Variants in MYB observed in about 807,000 individuals in gnomAD.
The protein encoded by MYB is transcriptional activator Myb.
A neutral mutation model predicts 92.9 loss-of-function variants in MYB; 28 were observed. The ratio of observed to expected loss-of-function variants is 0.30; its 90% confidence interval spans 0.22 to 0.41. The LOEUF (loss-of-function observed/expected upper bound fraction) is 0.41. Among genes scored for constraint, MYB ranks in the 10% least tolerant of loss-of-function variants. MYB has a pLI of 1.00. For synonymous variants in MYB, 295 were observed against 329.1 expected, an observed-to-expected ratio of 0.90 and a Z score of 1.12; for missense variants, 679 against 929.3, an observed-to-expected ratio of 0.73 and a Z score of 3.50.
At chr6:135,208,071 T>TTTTTTTTTAATA (rs1779203859) in intron 15 of MYB, among the ~76,000 whole-genome samples, 1 of 132,508 alleles carries the variant, frequency 7.5e-6, no homozygotes, top group South Asian at 2.4e-4. Context: ...ATTTTTTAAT[T>TTTTTTTTTAATA]TTTTTTTTAA....
At chr6:135,212,396 A>G (rs1178976572) in intron 15 of MYB, among the ~76,000 whole-genome samples, 3 of 151,934 alleles carry the variant, frequency 2.0e-5, no homozygotes, top group Non-Finnish European at 2.9e-5. Context: ...TGATGAAAAA[A>G]CTATTCATGT....
At chr6:135,211,889 C>T (rs745732365) in intron 15 of MYB, among the ~76,000 whole-genome samples, 2 of 152,152 alleles carry the variant, frequency 1.3e-5, no homozygotes, top group Non-Finnish European at 2.9e-5. Context: ...TTTGTGCCAA[C>T]CTAGGGAAGC....
chr6:135,201,632 CT>C lies in MYB; in HGVS notation c.1951-3del, dbSNP rs760642040. The C allele has an allele frequency of 6.3e-7, 1 of 1,594,606 alleles. No individual in the cohort carries two copies. On this transcript the variant is annotated splice_polypyrimidine_tract_variant and splice_region_variant and intron_variant, in intron 13 of 15. Transcript: ENST00000341911. ...GAAACAACAAAGCACTTTCTATATG[CT>C]TTTAGGTGGAATCTCCAACTGATAA... is the stretch of plus-strand genomic sequence containing the variant.
At chr6:135,206,747 A>G (rs1778998238) in intron 15 of MYB, among the ~76,000 whole-genome samples, 1 of 152,202 alleles carries the variant, frequency 6.6e-6, no homozygotes, top group Non-Finnish European at 1.5e-5. Flanking sequence ...ATTTATTTTA[A>G]GAAATACTTA....
At chr6:135,188,719 AG>A (rs1329290204) in intron 3 of MYB, among the ~76,000 whole-genome samples, 1 of 152,070 alleles carries the variant, frequency 6.6e-6, no homozygotes, top group Non-Finnish European at 1.5e-5. Flanking sequence ...CATATTGATC[AG>A]GCTGGTCCCA....
intron 15 of MYB, among the ~76,000 whole-genome samples, chr6:135,209,700 C>T (rs1177946647): frequency 2.6e-5 from 4 of 152,102 alleles, no homozygotes; most frequent in Non-Finnish European, 5.9e-5. Flanking sequence ...GCTACATAAT[C>T]TTATAATTGT....
intron 15 of MYB, among the ~76,000 whole-genome samples, chr6:135,213,320 A>G (rs1441756316): frequency 6.6e-6 from 1 of 152,194 alleles, no homozygotes; most frequent in Non-Finnish European, 1.5e-5. Flanking sequence ...CTTTTGACTT[A>G]GGAGAAGCTA....
At chr6:135,199,073 A>T in intron 11 of MYB, 23 bp downstream of exon 11, 1 of 1,545,540 alleles carries the variant, frequency 6.5e-7, no homozygotes, top group Non-Finnish European at 8.8e-7. Context: ...TTCAGGAATA[A>T]AATGATTTAT....
chr6:135,194,317 C>A, intron 7 of MYB, 39 bp from the exon 8 acceptor site: 1 of 1,471,588 alleles, frequency 6.8e-7, no homozygotes, highest in South Asian at 1.2e-5. Flanking sequence ...AGCTTCCAAT[C>A]AGACCTTTGT....
intron 15 of MYB, among the ~76,000 whole-genome samples, chr6:135,205,229 C>CTT (rs1219667393): frequency 5.9e-5 from 8 of 134,844 alleles, no homozygotes; most frequent in East Asian, 2.1e-4. Context: ...AAAGCTTTTG[C>CTT]TTTTTTTTTT....
chr6:135,212,120 G>T (rs1779785531), intron 15 of MYB, among the ~76,000 whole-genome samples: 1 of 147,990 alleles, frequency 6.8e-6, no homozygotes, highest in South Asian at 2.2e-4. Context: ...AGAATAAGCA[G>T]AAAATTCTTA....
Position 135,197,093 on chromosome 6 carries a change from G to T in MYB, c.1336G>T (p.Glu446Ter). The T allele has an allele frequency of 1.9e-6, 3 of 1,614,000 alleles. No individual in the cohort carries two copies. Among genetic ancestry groups the T allele is most frequent in the Non-Finnish European group, 2.5e-6 (3 of 1,179,906 alleles). Residue 446 changes from glutamate (E) to a stop codon, truncating the protein, a stop_gained, in exon 10 of 16, where the codon GAA (glutamate) becomes TAA (stop). Coordinates refer to ENST00000341911, the MANE Select transcript of MYB (RefSeq NM_001130173.2). LOFTEE classifies it high-confidence loss of function. Reference protein sequence around the residue: ...REGNGTKPAGEPSPRVNKRML... With the variant: ...REGNGTKPAG Reference sequence around the variant, plus strand: ...GGGCAATGGGACTAAACCTGCAGGAGAACCTAGCCCAAGGGTGAACAAACG... The same window carrying T: ...GGGCAATGGGACTAAACCTGCAGGATAACCTAGCCCAAGGGTGAACAAACG...
intron 1 of MYB, 153 bp from the exon 2 acceptor site, chr6:135,185,750 A>G: frequency 1.4e-6 from 1 of 692,008 alleles, no homozygotes; most frequent in Non-Finnish European, 2.5e-6. Context: ...AGAGCAACAG[A>G]ATGCAGCAAA....
chr6:135,195,657 A>G (rs537954620), intron 8 of MYB, 91 bp from the exon 9 acceptor site: 1 of 1,406,104 alleles, frequency 7.1e-7, no homozygotes, highest in East Asian at 2.3e-5. Flanking sequence ...TTCCTCCAAC[A>G]GCATCTGATA....
In MYB at chr6:135,192,979, G is replaced by A. The variant is rs142729930; in HGVS notation, c.762+421G>A. On this transcript the variant is annotated intron_variant, in intron 6 of 15. Coordinates refer to ENST00000341911, the MANE Select transcript of MYB (RefSeq NM_001130173.2). Reference sequence around the variant, plus strand: ...GGAAGGTAGTATTATGTTTAAAGAGGAGAGAGTTTGACACTGAAATTCAGT... The same window carrying A: ...GGAAGGTAGTATTATGTTTAAAGAGAAGAGAGTTTGACACTGAAATTCAGT... Among the ~76,000 whole-genome samples, 10 of 152,330 alleles carry A rather than the reference G, an allele frequency of 6.6e-5. No individual in the cohort carries two copies. In the East Asian group the frequency reaches 1.9e-3, roughly 29 times the overall value.
At chr6:135,198,258 A>G (rs1365414555) in intron 10 of MYB, among the ~76,000 whole-genome samples, 2 of 152,236 alleles carry the variant, frequency 1.3e-5, no homozygotes, top group African/African-American at 4.8e-5. Flanking sequence ...CCTGGTGAAC[A>G]TAGCGAGATC....
rs541795686 is a variant in MYB at position 135,198,060 on chromosome 6, A to G, written c.1566+737A>G. On this transcript the variant is annotated intron_variant, in intron 10 of 15. Coordinates refer to ENST00000341911, the MANE Select transcript of MYB (RefSeq NM_001130173.2). ...TTTGGCACTTTAAAACATTTTTCCAATTGTATCTGTTGAATTTGTTTTAAG... is the reference window on the plus strand; with the variant it reads ...TTTGGCACTTTAAAACATTTTTCCAGTTGTATCTGTTGAATTTGTTTTAAG... Among the ~76,000 whole-genome samples, 11 of 152,310 alleles carry G rather than the reference A, an allele frequency of 7.2e-5. No individual in the cohort carries two copies. In the South Asian group the frequency reaches 2.1e-3, roughly 29 times the overall value.
intron 15 of MYB, among the ~76,000 whole-genome samples, chr6:135,217,406 A>G (rs929456039): frequency 2.1e-4 from 32 of 152,250 alleles, no homozygotes; most frequent in African/African-American, 7.5e-4. Context: ...ATACTGATAA[A>G]TATTTCTAAA....
chr6:135,195,728 C>T lies in MYB; in HGVS notation c.949-20C>T. On this transcript the variant is annotated intron_variant, in intron 8 of 15. Coordinates refer to ENST00000341911, the MANE Select transcript of MYB (RefSeq NM_001130173.2). Reference sequence around the variant, plus strand: ...TTCTTCTGTCCTCTCTTTATTTCTACACCCTTCCCCCTTCCTTAGACACAG... The same window carrying T: ...TTCTTCTGTCCTCTCTTTATTTCTATACCCTTCCCCCTTCCTTAGACACAG... 6.2e-7 allele frequency: 1 copy of T among 1,612,044 alleles called. No homozygotes were observed. Among genetic ancestry groups the T allele is most frequent in the South Asian group, 1.1e-5 (1 of 91,008 alleles).
Sources: gnomAD v4.1 joint callset for allele counts (sites outside exome capture counted in the v4.1 genomes callset) on GRCh38, gnomAD v4.1.1 for gene constraint, MANE v1.5 for transcripts, NCBI Gene and HGNC (gene_info 2026-07-23, HGNC 2026-07-21) for gene names.